Variants in KIAA1549L observed in about 807,000 individuals in gnomAD.
KIAA1549L encodes KIAA1549 like.
In KIAA1549L, 88 loss-of-function variants were observed where a neutral mutation model predicts 160.7. The observed-to-expected ratio is 0.55, with a 90% CI of 0.46 to 0.65. The LOEUF is 0.65. Among genes scored for constraint, KIAA1549L ranks in the 30% least tolerant of loss-of-function variants. The pLI, the probability that KIAA1549L is intolerant of heterozygous loss-of-function variation, is 0.00. For synonymous variants in KIAA1549L, 950 were observed against 976.7 expected, an observed-to-expected ratio of 0.97 and a Z score of 0.51; for missense variants, 2,258 against 2,437.5, an observed-to-expected ratio of 0.93 and a Z score of 1.55.
In KIAA1549L at chr11:33,574,681, C is replaced by T. The variant is rs377254299; in HGVS notation, c.4231-21C>T. 2.9e-5 allele frequency: 46 copies of T among 1,600,774 alleles called. No individual in the cohort carries two copies. In the Admixed American group the frequency reaches 3.9e-4, roughly 14 times the overall value. ...CCATGCAAAATGCCCTGCAAACACT[C>T]GGCCTCTCTTTTTCCGAAAGATGGT... is the stretch of plus-strand genomic sequence containing the variant. On this transcript the variant is annotated intron_variant, in intron 9 of 20. Transcript: ENST00000658780.
At chr11:33,442,185 C>A (rs1487193764) in intron 1 of KIAA1549L, among the ~76,000 whole-genome samples, 1 of 152,178 alleles carries the variant, frequency 6.6e-6, no homozygotes, top group Non-Finnish European at 1.5e-5. Context: ...GGAATCCTTT[C>A]CCCATTTCTT....
intron 1 of KIAA1549L, among the ~76,000 whole-genome samples, chr11:33,446,752 T>C (rs1851620674): frequency 6.6e-6 from 1 of 152,174 alleles, no homozygotes; most frequent in African/African-American, 2.4e-5. Flanking sequence ...CTTTTCCACA[T>C]GGGCGTCTTC....
intron 1 of KIAA1549L, among the ~76,000 whole-genome samples, chr11:33,445,295 G>A (rs1014095695): frequency 2.0e-5 from 3 of 152,354 alleles, no homozygotes; most frequent in Admixed American, 2.0e-4. Context: ...GTAGGTGGGA[G>A]AGAATCAGAG....
intron 10 of KIAA1549L, among the ~76,000 whole-genome samples, chr11:33,575,593 A>G (rs1664124986): frequency 6.6e-6 from 1 of 152,216 alleles, no homozygotes; most frequent in Non-Finnish European, 1.5e-5. Context: ...GCATCACAGA[A>G]CAAGTGCTTA....
chr11:33,635,838 C>T (rs752580097), intron 16 of KIAA1549L, among the ~76,000 whole-genome samples: 47 of 152,162 alleles, frequency 3.1e-4, no homozygotes, highest in Admixed American at 8.5e-4. Flanking sequence ...TTCTGGGATA[C>T]GGCAGAAAAT....
intron 7 of KIAA1549L, among the ~76,000 whole-genome samples, chr11:33,560,695 C>T (rs1325191381): frequency 6.6e-6 from 1 of 152,192 alleles, no homozygotes; most frequent in Non-Finnish European, 1.5e-5. Context: ...TCTTACATTT[C>T]ACAAGGTCAC....
chr11:33,655,840 G>A (rs1168387239), intron 17 of KIAA1549L, among the ~76,000 whole-genome samples, 172 bp from the exon 18 acceptor site: 1 of 152,214 alleles, frequency 6.6e-6, no homozygotes, highest in Non-Finnish European at 1.5e-5. Flanking sequence ...GGTGGGAGGT[G>A]CAGTAGAAGA....
Position 33,404,384 on chromosome 11 carries a change from C to T in KIAA1549L, c.238+27495C>T, listed in dbSNP as rs546720508. On this transcript the variant is annotated intron_variant, in intron 1 of 20. Transcript: ENST00000658780. ...TACTAAAGATACAAAATTAGCCAGGCGTGGTGGCAGGCGCCCGTAATCCCA... is the reference window on the plus strand; with the variant it reads ...TACTAAAGATACAAAATTAGCCAGGTGTGGTGGCAGGCGCCCGTAATCCCA... Among the ~76,000 whole-genome samples the T allele has an allele frequency of 3.3e-5, 5 of 151,998 alleles. No individual in the cohort carries two copies. In the East Asian group the frequency reaches 5.8e-4, roughly 18 times the overall value.
Position 33,623,314 on chromosome 11 carries a change from G to C in KIAA1549L, c.5409+4652G>C, listed in dbSNP as rs1262019784. ...CCTTTATTCTAGAAGCAACCTGCTT[G>C]TTGCCCCCCTGACCTCGGTGCTCTT... On this transcript the variant is annotated intron_variant, in intron 16 of 20. Coordinates refer to ENST00000658780, the MANE Select transcript of KIAA1549L (RefSeq NM_012194.3). Among the ~76,000 whole-genome samples the C allele has an allele frequency of 2.0e-5, 3 of 152,108 alleles. No homozygotes were observed. In the South Asian group the frequency reaches 6.2e-4, roughly 32 times the overall value.
At chr11:33,626,301 T>G (rs75063812) in intron 16 of KIAA1549L, among the ~76,000 whole-genome samples, 4 of 140,856 alleles carry the variant, frequency 2.8e-5, no homozygotes, top group Admixed American at 7.0e-5. Context: ...GTGAAGAAAG[T>G]CATTGGTAGC....
At chr11:33,418,756 C>G (rs1223414090) in intron 1 of KIAA1549L, among the ~76,000 whole-genome samples, 1 of 152,112 alleles carries the variant, frequency 6.6e-6, no homozygotes, top group East Asian at 1.9e-4. Flanking sequence ...AGCAGCCTGA[C>G]CAAGATTTTA....
At chr11:33,663,024 A>C (rs1590463466) in intron 20 of KIAA1549L, among the ~76,000 whole-genome samples, 1 of 152,208 alleles carries the variant, frequency 6.6e-6, no homozygotes, top group East Asian at 1.9e-4. Flanking sequence ...TTAAGCAGGG[A>C]GGCGTGCCCA....
At chr11:33,379,713 G>A (rs12274850) in intron 1 of KIAA1549L, among the ~76,000 whole-genome samples, 17,733 of 152,230 alleles carry the variant, frequency 0.12, 1,754 homozygotes, top group African/African-American at 0.27. Context: ...GGAAAATGGG[G>A]ACAACAATAG....
At chr11:33,399,655 C>T (rs925200078) in intron 1 of KIAA1549L, among the ~76,000 whole-genome samples, 1 of 152,180 alleles carries the variant, frequency 6.6e-6, no homozygotes, top group Non-Finnish European at 1.5e-5. Flanking sequence ...CATCTGTTCC[C>T]CCTCACCCTC....
At chr11:33,448,893 T>G (rs1013655480) in intron 1 of KIAA1549L, among the ~76,000 whole-genome samples, 1 of 152,234 alleles carries the variant, frequency 6.6e-6, no homozygotes, top group African/African-American at 2.4e-5. Context: ...CCCAGAATTT[T>G]GGCTGGTCCC....
intron 6 of KIAA1549L, among the ~76,000 whole-genome samples, chr11:33,557,839 A>G (rs990550056): frequency 2.0e-5 from 3 of 152,172 alleles, no homozygotes; most frequent in African/African-American, 4.8e-5. Flanking sequence ...GTGAGCTACA[A>G]TAAGGTCACT....
intron 10 of KIAA1549L, among the ~76,000 whole-genome samples, chr11:33,579,926 C>A (rs563047203): frequency 5.3e-5 from 8 of 152,194 alleles, no homozygotes; most frequent in Non-Finnish European, 1.0e-4. Flanking sequence ...GATCAGCCTA[C>A]AATGTTCATC....
Position 33,556,245 on chromosome 11 carries a change from A to C in KIAA1549L, c.3856-3504A>C, listed in dbSNP as rs114441372. Among the ~76,000 whole-genome samples, 563 of 152,338 alleles carry C rather than the reference A, an allele frequency of 3.7e-3. 6 individuals are homozygous for C. The highest frequency in any genetic ancestry group is 0.012 in the African/African-American group (508 of 41,580). ...TAGTGCATCCCCCGTGGAAGGCAGCATGGTGGTTTCTTAAATAACTAAACA... is the reference window on the plus strand; with the variant it reads ...TAGTGCATCCCCCGTGGAAGGCAGCCTGGTGGTTTCTTAAATAACTAAACA... On this transcript the variant is annotated intron_variant, in intron 6 of 20. Transcript: ENST00000658780.
intron 20 of KIAA1549L, among the ~76,000 whole-genome samples, chr11:33,664,183 G>A (rs1219816571): frequency 6.6e-6 from 1 of 152,156 alleles, no homozygotes; most frequent in Non-Finnish European, 1.5e-5. Flanking sequence ...CTTGTAACTT[G>A]GGACATCTGT....
Sources: allele counts gnomAD v4.1 joint callset (sites outside exome capture counted in the v4.1 genomes callset), GRCh38; gene constraint gnomAD v4.1.1; transcripts MANE v1.5; gene names NCBI Gene and HGNC (gene_info 2026-07-23, HGNC 2026-07-21).